HSD17B12: variants seen among roughly 807,000 people sequenced by gnomAD.
HSD17B12 encodes the protein very-long-chain 3-oxoacyl-CoA reductase.
Under a neutral mutation model 39.3 loss-of-function variants are expected in HSD17B12, and 32 were observed. That is an observed-to-expected ratio of 0.81 (90% CI 0.61 to 1.09). HSD17B12 has a LOEUF of 1.09. Among genes scored for constraint, HSD17B12 ranks in the 50% least tolerant of loss-of-function variants. The pLI, the probability that HSD17B12 is intolerant of heterozygous loss-of-function variation, is 0.00. For synonymous variants in HSD17B12, 150 were observed against 146.7 expected, an observed-to-expected ratio of 1.02 and a Z score of -0.16; for missense variants, 342 against 382.9, an observed-to-expected ratio of 0.89 and a Z score of 0.89.
chr11:43,681,083 C>T, intron 1 of HSD17B12, 96 bp downstream of exon 1: 1 of 1,401,388 alleles, frequency 7.1e-7, no homozygotes, highest in Non-Finnish European at 9.3e-7. Context: ...CTGGCCTTCC[C>T]CTCCCCAGCT....
At chr11:43,643,292 C>A in the HSD17B12 span, among the ~76,000 whole-genome samples, 5 of 152,006 alleles carry the variant, frequency 3.3e-5, no homozygotes, top group African/African-American at 1.2e-4. Flanking sequence ...GTTCTTTAAA[C>A]GTGATTGTTA....
chr11:43,777,008 G>A (rs552286427), intron 3 of HSD17B12, among the ~76,000 whole-genome samples: 2 of 152,268 alleles, frequency 1.3e-5, no homozygotes, highest in South Asian at 4.1e-4. Flanking sequence ...GATTACTGTA[G>A]CGTTGTAGTA....
chr11:43,711,608 G>A (rs1950067250), intron 1 of HSD17B12, among the ~76,000 whole-genome samples: 2 of 151,700 alleles, frequency 1.3e-5, no homozygotes, highest in Admixed American at 1.3e-4. Flanking sequence ...CCAAGTAGCT[G>A]CAGCTACACA....
the HSD17B12 span, among the ~76,000 whole-genome samples, chr11:43,559,936 G>C: frequency 6.6e-6 from 1 of 152,110 alleles, no homozygotes; most frequent in African/African-American, 2.4e-5. Flanking sequence ...TGAACACGTA[G>C]GGCCCCTTGT....
the HSD17B12 span, among the ~76,000 whole-genome samples, chr11:43,598,985 C>A: frequency 6.6e-6 from 1 of 152,300 alleles, no homozygotes; most frequent in Admixed American, 6.5e-5. Flanking sequence ...GCCAACTCTG[C>A]CACCGATTTC....
At chr11:43,737,053 C>T (rs924942787) in intron 1 of HSD17B12, among the ~76,000 whole-genome samples, 14 of 152,100 alleles carry the variant, frequency 9.2e-5, no homozygotes, top group African/African-American at 2.4e-4. Context: ...TCATGGTTTG[C>T]GGCAGTATTA....
chr11:43,839,299 C>T (rs1951401294), intron 8 of HSD17B12, among the ~76,000 whole-genome samples: 1 of 152,092 alleles, frequency 6.6e-6, no homozygotes, highest in African/African-American at 2.4e-5. Context: ...TGGGAACATA[C>T]TGTAGGCAAA....
chr11:43,846,596 C>T (rs1475139136), intron 9 of HSD17B12, among the ~76,000 whole-genome samples: 1 of 152,164 alleles, frequency 6.6e-6, no homozygotes, highest in African/African-American at 2.4e-5. Context: ...ACCTGGGAGG[C>T]AGAGGTTGCT....
the HSD17B12 span, among the ~76,000 whole-genome samples, chr11:43,627,487 T>C: frequency 1.3e-5 from 2 of 151,968 alleles, no homozygotes; most frequent in Non-Finnish European, 2.9e-5. Flanking sequence ...TTAAATTAAA[T>C]TTTAAAAACT....
intron 1 of HSD17B12, among the ~76,000 whole-genome samples, chr11:43,732,369 T>C (rs1950275550): frequency 6.6e-6 from 1 of 152,136 alleles, no homozygotes; most frequent in Non-Finnish European, 1.5e-5. Flanking sequence ...CACTCCATGG[T>C]TGGTCTCTTA....
At chr11:43,639,137 AG>A in the HSD17B12 span, among the ~76,000 whole-genome samples, 9 of 152,234 alleles carry the variant, frequency 5.9e-5, no homozygotes, top group African/African-American at 2.2e-4. Context: ...CACATCTTTA[AG>A]TACTTCAGAA....
At chr11:43,659,481 C>T in the HSD17B12 span, among the ~76,000 whole-genome samples, 3 of 152,194 alleles carry the variant, frequency 2.0e-5, no homozygotes, top group Admixed American at 6.5e-5. Context: ...TCTTCTGCAT[C>T]GCTCACGCTG....
At chr11:43,755,530 G>T (rs1950500686) in intron 3 of HSD17B12, 1 of 152,216 alleles carries the variant, frequency 6.6e-6, no homozygotes, top group Admixed American at 6.5e-5. Flanking sequence ...ATTACCATGT[G>T]TATTTATCTC....
At chr11:43,568,156 G>A in the HSD17B12 span, among the ~76,000 whole-genome samples, 1 of 152,032 alleles carries the variant, frequency 6.6e-6, no homozygotes, top group Non-Finnish European at 1.5e-5. Flanking sequence ...GGAGTGTGCA[G>A]TGGTGTGATC....
chr11:43,721,648 G>A (rs1295881349), intron 1 of HSD17B12, among the ~76,000 whole-genome samples: 1 of 152,058 alleles, frequency 6.6e-6, no homozygotes, highest in East Asian at 1.9e-4. Flanking sequence ...CCAGGCAGAG[G>A]AAAAAGCAAG....
intron 1 of HSD17B12, among the ~76,000 whole-genome samples, chr11:43,714,687 G>A (rs1950104193): frequency 6.6e-6 from 1 of 152,128 alleles, no homozygotes; most frequent in South Asian, 2.1e-4. Context: ...TGATGGGGAT[G>A]GCATTGAATC....
intron 3 of HSD17B12, among the ~76,000 whole-genome samples, chr11:43,760,241 G>A (rs1950544444): frequency 6.6e-6 from 1 of 151,952 alleles, no homozygotes; most frequent in Admixed American, 6.6e-5. Flanking sequence ...GCAGAAACAG[G>A]GTTTCGCCAT....
the HSD17B12 span, among the ~76,000 whole-genome samples, chr11:43,669,372 G>A: frequency 6.6e-6 from 1 of 152,024 alleles, no homozygotes; most frequent in Admixed American, 6.6e-5. Flanking sequence ...GTGGTGGCAG[G>A]CACCTGTAAT....
the HSD17B12 span, among the ~76,000 whole-genome samples, chr11:43,572,054 C>A: frequency 3.9e-5 from 6 of 152,162 alleles, no homozygotes; most frequent in African/African-American, 1.4e-4. Flanking sequence ...AGACTTTCTG[C>A]TGTTCTTACT....
Sources: allele counts gnomAD v4.1 joint callset (sites outside exome capture counted in the v4.1 genomes callset), GRCh38; gene constraint gnomAD v4.1.1; transcripts MANE v1.5; gene names NCBI Gene and HGNC (gene_info 2026-07-23, HGNC 2026-07-21).